PCDH11X: variants seen among roughly 807,000 people sequenced by gnomAD.
PCDH11X encodes protocadherin 11 X-linked.
A neutral mutation model predicts 53.3 loss-of-function variants in PCDH11X; 18 were observed. That is an observed-to-expected ratio of 0.34 (90% CI 0.23 to 0.50). PCDH11X has a LOEUF of 0.50. Among genes scored for constraint, PCDH11X ranks in the 20% least tolerant of loss-of-function variants. PCDH11X has a pLI of 0.98. For synonymous variants in PCDH11X, 279 were observed against 393.3 expected (o/e 0.71, Z 3.44); for missense variants, 570 against 1,032.4 (o/e 0.55, Z 6.14).
chrX:92,348,617 A>G (rs370312150), intron 8 of PCDH11X, among the ~76,000 whole-genome samples: 1 of 107,141 alleles, frequency 9.3e-6, no homozygotes, highest in East Asian at 3.0e-4. Context: ...GCTCACTGCA[A>G]ACTCTGCCTC....
chrX:92,465,361 AC>A (rs1314258532), intron 9 of PCDH11X, among the ~76,000 whole-genome samples: 1 of 111,862 alleles, frequency 8.9e-6, no homozygotes, highest in Non-Finnish European at 1.9e-5. Context: ...TTATTTCTAA[AC>A]AAATGTCTTT....
At chrX:91,850,219 T>G (rs1271048165) in intron 5 of PCDH11X, among the ~76,000 whole-genome samples, 1 of 110,405 alleles carries the variant, frequency 9.1e-6, no homozygotes, top group Non-Finnish European at 1.9e-5. Context: ...TTTAGAATAA[T>G]AGGGATTTTT....
intron 6 of PCDH11X, among the ~76,000 whole-genome samples, chrX:91,922,279 G>A (rs1232429932): frequency 8.9e-6 from 1 of 111,759 alleles, no homozygotes; most frequent in African/African-American, 3.3e-5. Flanking sequence ...TTTAGATTAG[G>A]AAACTGAAGT....
chrX:91,999,481 G>A (rs1438424753), intron 6 of PCDH11X, among the ~76,000 whole-genome samples: 2 of 111,227 alleles, frequency 1.8e-5, no homozygotes, highest in Non-Finnish European at 3.8e-5. Flanking sequence ...TTCAACCAGA[G>A]TGATATGTCT....
chrX:92,174,422 A>C (rs911444009), intron 6 of PCDH11X, among the ~76,000 whole-genome samples: 1 of 111,468 alleles, frequency 9.0e-6, no homozygotes, highest in East Asian at 2.8e-4. Context: ...GATGCTGATC[A>C]TAATGTTAAC....
At chrX:92,229,255 A>G (rs2067026212) in intron 7 of PCDH11X, among the ~76,000 whole-genome samples, 1 of 111,130 alleles carries the variant, frequency 9.0e-6, no homozygotes, top group Non-Finnish European at 1.9e-5. Context: ...AGCATGAGTG[A>G]AGGCATAGCA....
At chrX:92,496,985 G>A in intron 10 of PCDH11X, among the ~76,000 whole-genome samples, 1 of 111,318 alleles carries the variant, frequency 9.0e-6, no homozygotes, top group Middle Eastern at 4.6e-3. Context: ...TGAGATATTT[G>A]TGTTAAAGAA....
intron 10 of PCDH11X, among the ~76,000 whole-genome samples, chrX:92,473,896 G>C (rs990274938): frequency 1.8e-5 from 2 of 111,381 alleles, no homozygotes; most frequent in East Asian, 5.6e-4. Context: ...TGATCTATTT[G>C]CTGAGGAGAA....
chrX:91,867,913 C>T lies in PCDH11X; in HGVS notation c.541-8868C>T, dbSNP rs1380834750. ...AATTTTTTGATCTGTTTGAAATGTT[C>T]AAGGGAAAAAAGACCCAAGTTTGCT... is the stretch of plus-strand genomic sequence containing the variant. On this transcript the variant is annotated intron_variant, in intron 5 of 10. Transcript: ENST00000682573. 9.9e-5 allele frequency among the ~76,000 whole-genome samples: 11 copies of T among 111,512 alleles called. No homozygotes were observed. In the Admixed American group the frequency reaches 1.1e-3, roughly 11 times the overall value.
chrX:92,274,702 A>G (rs1178392748), intron 8 of PCDH11X, among the ~76,000 whole-genome samples: 1 of 110,521 alleles, frequency 9.0e-6, no homozygotes, highest in Non-Finnish European at 1.9e-5. Flanking sequence ...TATTTCCTTG[A>G]GGATAGATTT....
At chrX:92,391,581 A>T (rs868461547) in intron 9 of PCDH11X, among the ~76,000 whole-genome samples, 10 of 110,797 alleles carry the variant, frequency 9.0e-5, no homozygotes, top group South Asian at 7.5e-4. Context: ...TGTTTTCTAA[A>T]TTTTTTTTCT....
intron 6 of PCDH11X, among the ~76,000 whole-genome samples, chrX:91,920,577 A>G (rs1161104064): frequency 9.0e-6 from 1 of 110,499 alleles, no homozygotes; most frequent in African/African-American, 3.3e-5. Flanking sequence ...ATCTCATTCT[A>G]CTCCACCTAT....
chrX:92,175,431 G>A lies in PCDH11X; in HGVS notation c.3034-25944G>A, dbSNP rs193126120. Reference sequence around the variant, plus strand: ...TCTGATTTTGCAAGAAAGCCATGAAGTGCAAAACATAATTTGAGATGAGTA... The same window carrying A: ...TCTGATTTTGCAAGAAAGCCATGAAATGCAAAACATAATTTGAGATGAGTA... On this transcript the variant is annotated intron_variant, in intron 6 of 10. Transcript: ENST00000682573. Among the ~76,000 whole-genome samples, 1,026 of 111,038 alleles carry A rather than the reference G, an allele frequency of 9.2e-3. 14 individuals carry two copies. Among genetic ancestry groups the A allele is most frequent in the African/African-American group, 0.032 (978 of 30,576 alleles).
intron 8 of PCDH11X, among the ~76,000 whole-genome samples, chrX:92,332,814 A>C (rs1261345709): frequency 1.8e-5 from 2 of 111,769 alleles, no homozygotes; most frequent in Non-Finnish European, 3.8e-5. Flanking sequence ...ACCCAGACCT[A>C]CTGAATCCAA....
chrX:92,499,528 G>A (rs1176631184), intron 10 of PCDH11X, among the ~76,000 whole-genome samples: 10 of 82,673 alleles, frequency 1.2e-4, no homozygotes, highest in Non-Finnish European at 2.4e-4. Context: ...GACTGGGTAC[G>A]GTGGCTCATG....
chrX:91,801,886 A>G (rs921752372), intron 1 of PCDH11X, among the ~76,000 whole-genome samples: 8 of 112,654 alleles, frequency 7.1e-5, no homozygotes, highest in African/African-American at 1.9e-4. Flanking sequence ...AACATATATT[A>G]AATAACTTTA....
At chrX:92,134,483 A>G (rs2065050613) in intron 6 of PCDH11X, among the ~76,000 whole-genome samples, 1 of 110,868 alleles carries the variant, frequency 9.0e-6, no homozygotes, top group African/African-American at 3.3e-5. Flanking sequence ...AAAACAAGCA[A>G]AAAAAAGACG....
At chrX:92,256,158 G>A (rs965091742) in intron 7 of PCDH11X, among the ~76,000 whole-genome samples, 17 of 112,067 alleles carry the variant, frequency 1.5e-4, no homozygotes, top group South Asian at 3.7e-4. Flanking sequence ...TAAGCTCGTC[G>A]GAAAAGCGCA....
At chrX:91,810,078 T>A (rs1936249153) in intron 2 of PCDH11X, among the ~76,000 whole-genome samples, 1 of 111,575 alleles carries the variant, frequency 9.0e-6, no homozygotes, top group South Asian at 3.7e-4. Flanking sequence ...ATTTTCCACA[T>A]AAATATGCAT....
Sources: allele counts gnomAD v4.1 joint callset (sites outside exome capture counted in the v4.1 genomes callset), GRCh38; gene constraint gnomAD v4.1.1; transcripts MANE v1.5; gene names NCBI Gene and HGNC (gene_info 2026-07-23, HGNC 2026-07-21).